Variants in RANBP2 observed in about 807,000 individuals in gnomAD.
The protein encoded by RANBP2 is E3 SUMO-protein ligase RanBP2.
A neutral mutation model predicts 303.6 loss-of-function variants in RANBP2; 57 were observed. The observed-to-expected ratio is 0.19, with a 90% CI of 0.15 to 0.23. RANBP2 has a LOEUF of 0.23. Ranked by LOEUF, RANBP2 falls within the 10% of genes least tolerant of loss-of-function variation. The probability of loss-of-function intolerance (pLI) is 1.00; values close to 1 mark genes in which losing one functional copy is unlikely to be tolerated. For missense variants in RANBP2, 3,138 were observed against 3,780.8 expected, an observed-to-expected ratio of 0.83 and a Z score of 4.46; for synonymous variants, 1,167 against 1,301.5, an observed-to-expected ratio of 0.90 and a Z score of 2.23.
At chr2:109,579,806 C>A in the RANBP2 span, among the ~76,000 whole-genome samples, 1 of 151,862 alleles carries the variant, frequency 6.6e-6, no homozygotes, top group Non-Finnish European at 1.5e-5. Context: ...AAGGCTAACA[C>A]AATCTTGATT....
the RANBP2 span, among the ~76,000 whole-genome samples, chr2:109,151,669 C>T: frequency 6.6e-6 from 1 of 152,230 alleles, no homozygotes; most frequent in Non-Finnish European, 1.5e-5. Flanking sequence ...GGTCACACTT[C>T]CCGGTTTCCA....
the RANBP2 span, among the ~76,000 whole-genome samples, chr2:109,227,752 C>T: frequency 3.3e-5 from 5 of 152,244 alleles, no homozygotes; most frequent in Admixed American, 2.0e-4. Flanking sequence ...TCGGGTCCAA[C>T]GCAAGTTCTT....
At chr2:109,544,399 G>T in the RANBP2 span, 118 of 1,521,186 alleles carry the variant, frequency 7.8e-5, no homozygotes, top group Non-Finnish European at 7.1e-5. Context: ...CATGCATCTA[G>T]TATATTATAG....
chr2:108,977,578 G>A, the RANBP2 span, among the ~76,000 whole-genome samples: 117,952 of 152,170 alleles, frequency 0.78, 47,247 homozygotes, highest in South Asian at 0.87. Flanking sequence ...CCAGGAGCTC[G>A]CCTTTTTTGA....
At chr2:109,033,580 C>T in the RANBP2 span, among the ~76,000 whole-genome samples, 1 of 152,122 alleles carries the variant, frequency 6.6e-6, no homozygotes, top group African/African-American at 2.4e-5. Flanking sequence ...ACAGGAACTA[C>T]GGAGGGGCAA....
the RANBP2 span, among the ~76,000 whole-genome samples, chr2:109,271,504 A>T: frequency 6.6e-6 from 1 of 152,370 alleles, no homozygotes; most frequent in Non-Finnish European, 1.5e-5. Context: ...CTTTGCTGTC[A>T]GCCAACATGA....
the RANBP2 span, among the ~76,000 whole-genome samples, chr2:108,959,914 A>C: frequency 6.6e-6 from 1 of 152,220 alleles, no homozygotes; most frequent in African/African-American, 2.4e-5. Context: ...CTTGCCCTAC[A>C]CAACATTCTC....
At chr2:109,516,629 A>G in the RANBP2 span, among the ~76,000 whole-genome samples, 1 of 152,114 alleles carries the variant, frequency 6.6e-6, no homozygotes, top group Non-Finnish European at 1.5e-5. Flanking sequence ...TTACTGAAGA[A>G]GTGGGAAGGA....
the RANBP2 span, among the ~76,000 whole-genome samples, chr2:109,052,344 A>AG: frequency 6.6e-6 from 1 of 152,210 alleles, no homozygotes; most frequent in Non-Finnish European, 1.5e-5. Context: ...ATTTATAGAA[A>AG]GGGGGGCGTA....
At chr2:108,803,377 A>G in the RANBP2 span, among the ~76,000 whole-genome samples, 1 of 103,680 alleles carries the variant, frequency 9.6e-6, no homozygotes, top group Non-Finnish European at 2.1e-5. Context: ...CTTGCCAGGA[A>G]GACTGGTTTT....
chr2:109,664,466 T>A, the RANBP2 span, among the ~76,000 whole-genome samples: 1 of 151,680 alleles, frequency 6.6e-6, no homozygotes, highest in Non-Finnish European at 1.5e-5. Flanking sequence ...TAGTCTGGCA[T>A]TGTGGCCGGC....
In RANBP2 at chr2:108,753,876, G is replaced by A. The variant is rs372328602; in HGVS notation, c.2107G>A (p.Glu703Lys). The A allele has an allele frequency of 3.7e-6, 6 of 1,611,882 alleles. No homozygotes were observed. The highest frequency in any genetic ancestry group is 5.1e-6 in the Non-Finnish European group (6 of 1,179,864). The change falls in exon 15 of 29, where the codon GAA (glutamate) becomes AAA (lysine). Residue 703 changes from glutamate (E) to lysine (K), a missense_variant. Physicochemically the swap from Glu to Lys is moderately conservative, Grantham distance 56. Coordinates refer to ENST00000283195, the MANE Select transcript of RANBP2 (RefSeq NM_006267.5). ...TGAAAATGATGCCCTTTCTCCTGAA[G>A]AACAAGAAGAATGCAAAAATTATCT... Reference protein sequence around the residue: ...DIENDALSPEEQEECKNYLRK... With the variant: ...DIENDALSPEKQEECKNYLRK...
the RANBP2 span, among the ~76,000 whole-genome samples, chr2:109,587,790 G>A: frequency 1.3e-5 from 2 of 152,156 alleles, no homozygotes; most frequent in East Asian, 3.9e-4. Context: ...GCACGCACCT[G>A]TAGTCCCAGC....
At chr2:109,012,879 A>C in the RANBP2 span, among the ~76,000 whole-genome samples, 64 of 152,284 alleles carry the variant, frequency 4.2e-4, no homozygotes, top group Middle Eastern at 3.4e-3. Context: ...AGGCCACTGC[A>C]CTCCAGCCTG....
At chr2:109,104,281 A>G in the RANBP2 span, among the ~76,000 whole-genome samples, 33 of 152,144 alleles carry the variant, frequency 2.2e-4, no homozygotes, top group Non-Finnish European at 4.4e-5. Context: ...CTGTTGTGTC[A>G]GTCTTAGGAT....
the RANBP2 span, among the ~76,000 whole-genome samples, chr2:109,590,091 T>C: frequency 6.7e-6 from 1 of 148,314 alleles, no homozygotes. Flanking sequence ...TGTATATATA[T>C]ACACACATAT....
chr2:108,841,008 G>T, the RANBP2 span, among the ~76,000 whole-genome samples: 2 of 147,598 alleles, frequency 1.4e-5, no homozygotes, highest in South Asian at 2.1e-4. Flanking sequence ...TGTGTTTTTT[G>T]TTTGTTTGTT....
the RANBP2 span, among the ~76,000 whole-genome samples, chr2:109,364,735 G>A: frequency 6.6e-6 from 1 of 152,180 alleles, no homozygotes; most frequent in Non-Finnish European, 1.5e-5. Flanking sequence ...GGTGAAACAG[G>A]ATGGCTACAG....
At chr2:109,078,102 A>ATATATGGCG in the RANBP2 span, among the ~76,000 whole-genome samples, 21 of 90,132 alleles carry the variant, frequency 2.3e-4, 3 homozygotes, top group African/African-American at 7.6e-4. Flanking sequence ...ATATATATAT[A>ATATATGGCG]TATATATATA....
Sources: gnomAD v4.1 joint callset for allele counts (sites outside exome capture counted in the v4.1 genomes callset) on GRCh38, gnomAD v4.1.1 for gene constraint, MANE v1.5 for transcripts, NCBI Gene and HGNC (gene_info 2026-07-23, HGNC 2026-07-21) for gene names.